Variants in ZSWIM6 observed in about 807,000 individuals in gnomAD.
ZSWIM6 encodes the protein zinc finger SWIM-type containing 6, also known as zinc finger SWIM domain-containing protein 6.
ZSWIM6 carries 9 observed loss-of-function variants against 113.2 expected under a neutral mutation model. The observed-to-expected ratio is 0.08, with a 90% CI of 0.05 to 0.14. The LOEUF is 0.14. ZSWIM6 is among the 10% of genes least tolerant of loss of function. The probability of loss-of-function intolerance (pLI) is 1.00; values close to 1 mark genes in which losing one functional copy is unlikely to be tolerated. For missense variants in ZSWIM6, 1,162 were observed against 1,552.2 expected, an observed-to-expected ratio of 0.75 and a Z score of 4.22; for synonymous variants, 611 against 606.5, an observed-to-expected ratio of 1.01 and a Z score of -0.11.
intron 1 of ZSWIM6, among the ~76,000 whole-genome samples, chr5:61,355,431 AACAC>A (rs34072520): frequency 0.036 from 4,551 of 127,044 alleles, 66 homozygotes; most frequent in Non-Finnish European, 0.04. Flanking sequence ...GAGACTTTAA[AACAC>A]ACACACACAC....
chr5:61,466,066 C>CT (rs1747428617), intron 1 of ZSWIM6, among the ~76,000 whole-genome samples: 1 of 152,134 alleles, frequency 6.6e-6, no homozygotes, highest in Non-Finnish European at 1.5e-5. Context: ...AAGTTTCCAT[C>CT]TTGGGCCCTT....
intron 1 of ZSWIM6, among the ~76,000 whole-genome samples, chr5:61,421,533 A>C (rs1256439019): frequency 6.6e-6 from 1 of 152,200 alleles, no homozygotes; most frequent in East Asian, 1.9e-4. Flanking sequence ...GATTTGTTAC[A>C]TAGGTAAACT....
rs555457629 is a variant in ZSWIM6, at chr5:61,522,448, C to A, written c.1513+1006C>A. Among the ~76,000 whole-genome samples the A allele has an allele frequency of 2.0e-5, 3 of 152,116 alleles. No homozygotes were observed. The South Asian group carries it at 6.2e-4, about 31-fold the overall frequency. ...CTAGCCACATGCTGAATTTGTACTA[C>A]TAGAAATAACTGGAACAATGTGCTG... On this transcript the variant is annotated intron_variant, in intron 5 of 13. Transcript: ENST00000252744.
At chr5:61,441,356 A>G (rs1006931404) in intron 1 of ZSWIM6, among the ~76,000 whole-genome samples, 1 of 152,166 alleles carries the variant, frequency 6.6e-6, no homozygotes, top group Non-Finnish European at 1.5e-5. Context: ...CCCTTCCTTT[A>G]GAGCTACTTA....
intron 1 of ZSWIM6, among the ~76,000 whole-genome samples, chr5:61,423,673 C>T (rs2112127343): frequency 6.6e-6 from 1 of 152,300 alleles, no homozygotes; most frequent in Non-Finnish European, 1.5e-5. Context: ...TCCAACTCTG[C>T]ATTCCACTGT....
At chr5:61,466,645 ATT>A in intron 1 of ZSWIM6, among the ~76,000 whole-genome samples, 1 of 152,156 alleles carries the variant, frequency 6.6e-6, no homozygotes, top group Admixed American at 6.5e-5. Flanking sequence ...CTGCCAGTTT[ATT>A]TTAGCTTAGA....
At chr5:61,340,405 C>T (rs1744517692) in intron 1 of ZSWIM6, among the ~76,000 whole-genome samples, 1 of 152,040 alleles carries the variant, frequency 6.6e-6, no homozygotes, top group Admixed American at 6.5e-5. Context: ...ACAAATTAAC[C>T]CAGGTGTAAT....
intron 4 of ZSWIM6, among the ~76,000 whole-genome samples, chr5:61,511,562 G>T (rs1434613015): frequency 6.6e-6 from 1 of 152,118 alleles, no homozygotes; most frequent in African/African-American, 2.4e-5. Context: ...AAGCCCTCGT[G>T]AATGTGATTA....
intron 7 of ZSWIM6, among the ~76,000 whole-genome samples, chr5:61,529,652 C>T (rs899284443): frequency 6.6e-6 from 1 of 152,196 alleles, no homozygotes; most frequent in African/African-American, 2.4e-5. Context: ...TCTTAGTCCT[C>T]TCTAATGCCC....
chr5:61,335,615 C>G lies in ZSWIM6; in HGVS notation c.676+2667C>G, dbSNP rs112981865. On this transcript the variant is annotated intron_variant, in intron 1 of 13. Coordinates refer to ENST00000252744, the MANE Select transcript of ZSWIM6 (RefSeq NM_020928.2). ...TCTTAAAATGGAAAAGAACAGAATACTTTGTTGATAGCACCATAAAGCAGT... is the reference window on the plus strand; with the variant it reads ...TCTTAAAATGGAAAAGAACAGAATAGTTTGTTGATAGCACCATAAAGCAGT... Among the ~76,000 whole-genome samples the G allele has an allele frequency of 1.9e-4, 29 of 152,330 alleles. 2 individuals are homozygous for G. The highest frequency in any genetic ancestry group is 7.0e-4 in the African/African-American group (29 of 41,574).
intron 1 of ZSWIM6, among the ~76,000 whole-genome samples, chr5:61,371,306 T>C (rs560955643): frequency 2.6e-5 from 4 of 152,362 alleles, no homozygotes; most frequent in Non-Finnish European, 4.4e-5. Flanking sequence ...TCTACACTTA[T>C]TATGAAGATG....
At chr5:61,436,534 T>G (rs773324347) in intron 1 of ZSWIM6, among the ~76,000 whole-genome samples, 3 of 152,200 alleles carry the variant, frequency 2.0e-5, no homozygotes, top group Non-Finnish European at 2.9e-5. Context: ...GCTTTTCTGG[T>G]CTGATGATAG....
chr5:61,464,209 G>A (rs1211836438), intron 1 of ZSWIM6, among the ~76,000 whole-genome samples: 1 of 113,440 alleles, frequency 8.8e-6, no homozygotes, highest in African/African-American at 3.4e-5. Context: ...TAGTAGAGAT[G>A]AGGTATCTCC....
intron 12 of ZSWIM6, among the ~76,000 whole-genome samples, chr5:61,540,054 G>A (rs1268058336): frequency 6.6e-6 from 1 of 152,132 alleles, no homozygotes; most frequent in Non-Finnish European, 1.5e-5. Flanking sequence ...TTGAATGAAG[G>A]GAGAAGAATT....
At chr5:61,413,093 A>G (rs2112115592) in intron 1 of ZSWIM6, among the ~76,000 whole-genome samples, 1 of 150,954 alleles carries the variant, frequency 6.6e-6, no homozygotes, top group East Asian at 2.0e-4. Context: ...ACATACGTAT[A>G]CGTGTGCCAT....
chr5:61,419,386 A>T (rs1055609699), intron 1 of ZSWIM6, among the ~76,000 whole-genome samples: 1 of 152,216 alleles, frequency 6.6e-6, no homozygotes, highest in African/African-American at 2.4e-5. Context: ...TGAGTAAATC[A>T]GTGCTGTGCT....
chr5:61,544,196 G>A lies in ZSWIM6; in HGVS notation c.3527G>A (p.Arg1176Gln), dbSNP rs201456700. 2.1e-5 allele frequency: 33 copies of A among 1,551,536 alleles called. No homozygotes were observed. The highest frequency in any genetic ancestry group is 1.2e-4 in the Admixed American group (6 of 50,980). Residue 1176 changes from arginine (R) to glutamine (Q), a missense_variant, in exon 14 of 14, where the codon CGA (arginine) becomes CAA (glutamine). Transcript: ENST00000252744. ...SEFIEFLSKA[R>Q]ETFLMAHDGH... is the part of the protein sequence containing the mutation. ...TTTATAGAGTTCCTCAGCAAAGCCC[G>A]AGAGACCTTCTTAATGGCGCATGAT...
At chr5:61,388,093 A>G (rs1745627642) in intron 1 of ZSWIM6, among the ~76,000 whole-genome samples, 1 of 149,250 alleles carries the variant, frequency 6.7e-6, no homozygotes, top group Non-Finnish European at 1.5e-5. Flanking sequence ...AGTGATTCTC[A>G]TGCCTCAGTC....
chr5:61,451,730 A>C (rs932613375), intron 1 of ZSWIM6, among the ~76,000 whole-genome samples: 8 of 152,192 alleles, frequency 5.3e-5, no homozygotes, highest in African/African-American at 1.9e-4. Context: ...GAATGGGTGT[A>C]ATACTTTCTG....
Sources: allele counts gnomAD v4.1 joint callset (sites outside exome capture counted in the v4.1 genomes callset), GRCh38; gene constraint gnomAD v4.1.1; transcripts MANE v1.5; gene names NCBI Gene and HGNC (gene_info 2026-07-23, HGNC 2026-07-21).